The following SHE variants were observed in gnomAD, a reference collection of about 807,000 sequenced individuals.
SHE encodes the protein SH2 domain-containing adapter protein E.
SHE carries 11 observed loss-of-function variants against 49.8 expected under a neutral mutation model. The observed-to-expected ratio is 0.22, with a 90% CI of 0.14 to 0.37. SHE has a LOEUF of 0.37. SHE is among the 10% of genes least tolerant of loss of function. The pLI is 1.00. For synonymous variants in SHE, 310 were observed against 278.1 expected, an observed-to-expected ratio of 1.11 and a Z score of -1.14; for missense variants, 624 against 655.5, an observed-to-expected ratio of 0.95 and a Z score of 0.52.
At position 154,480,443 on chromosome 1, in the gene SHE, A is replaced by G. The variant is rs1691988856; in HGVS notation, c.*3706T>C. ...TTCTTCTGAATATCAAGATGCATCC[A>G]GTAACAACAGCCAATAACAGACTAG... On this transcript the variant is annotated 3_prime_UTR_variant, in exon 6 of 6. Transcript: ENST00000304760. The G allele has an allele frequency of 1.0e-6, 1 of 985,350 alleles. No individual in the cohort carries two copies. The highest frequency in any genetic ancestry group is 4.7e-5 in the South Asian group (1 of 21,294). 61.0% of individuals were successfully genotyped at this position (985,350 alleles called of 1,614,324 possible). A position where few individuals can be genotyped will look rare whatever the true frequency, so the allele number is the denominator to read the frequency against.
intron 3 of SHE, among the ~76,000 whole-genome samples, chr1:154,487,939 A>G (rs992859251): frequency 1.9e-4 from 29 of 149,136 alleles, no homozygotes; most frequent in Non-Finnish European, 1.9e-4. Flanking sequence ...CATTGGTTAT[A>G]CTTTTTTTTT....
chr1:154,492,829 C>G (rs538378072), intron 2 of SHE, among the ~76,000 whole-genome samples: 1 of 152,236 alleles, frequency 6.6e-6, no homozygotes, highest in East Asian at 1.9e-4. Flanking sequence ...CTGGGGAAAC[C>G]CTTTCCCAAG....
At chr1:154,477,920 A>G (rs58724362), downstream of SHE, among the ~76,000 whole-genome samples, 3 of 151,594 alleles carry the variant, frequency 2.0e-5, no homozygotes, top group Admixed American at 6.6e-5. Flanking sequence ...GAAAGAAAAG[A>G]AAAGAAAACT....
intron 2 of SHE, among the ~76,000 whole-genome samples, chr1:154,495,570 G>A (rs1012310065): frequency 2.0e-5 from 3 of 152,098 alleles, no homozygotes; most frequent in African/African-American, 7.2e-5. Flanking sequence ...TGAGGTAGAT[G>A]CTGGCTCCTA....
At position 154,502,165 on chromosome 1, in the gene SHE, G is replaced by C; in HGVS notation, c.-139C>G. On this transcript the variant is annotated 5_prime_UTR_variant, in exon 1 of 6. Transcript: ENST00000304760. Reference sequence around the variant, plus strand: ...GCCGAGCGGGCGGGCGCTAGCCTCTGCTCCGGACACGGCAGGCGACAGGCA... The same window carrying C: ...GCCGAGCGGGCGGGCGCTAGCCTCTCCTCCGGACACGGCAGGCGACAGGCA... 1 of 617,838 alleles carries C rather than the reference G, an allele frequency of 1.6e-6. No homozygotes were observed. Among genetic ancestry groups the C allele is most frequent in the Non-Finnish European group, 2.2e-6 (1 of 450,842 alleles). 38.3% of individuals were successfully genotyped at this position (617,838 alleles called of 1,614,324 possible). A position where few individuals can be genotyped will look rare whatever the true frequency, so the allele number is the denominator to read the frequency against.
Position 154,486,520 on chromosome 1 carries a change from G to A in SHE, c.1181+7C>T, listed in dbSNP as rs766023767. 3.7e-6 allele frequency: 6 copies of A among 1,613,840 alleles called. No homozygotes were observed. Among genetic ancestry groups the A allele is most frequent in the East Asian group, 2.2e-5 (1 of 44,880 alleles). The stretch of plus-strand genomic sequence containing the variant: ...GTCTGTTACAAGGATCTGAGGAGGA[G>A]ACTCACGGCTGCTTCTCCAGGGGCA... On this transcript the variant is annotated splice_region_variant and intron_variant, in intron 4 of 5. Coordinates refer to ENST00000304760, the MANE Select transcript of SHE (RefSeq NM_001010846.3).
chr1:154,486,961 A>T (rs1261212243), intron 3 of SHE, among the ~76,000 whole-genome samples: 1 of 152,190 alleles, frequency 6.6e-6, no homozygotes, highest in African/African-American at 2.4e-5. Context: ...ATGTATTTCA[A>T]CATGGACTTT....
At chr1:154,494,923 G>A (rs1326789975) in intron 2 of SHE, among the ~76,000 whole-genome samples, 1 of 152,156 alleles carries the variant, frequency 6.6e-6, no homozygotes, top group East Asian at 1.9e-4. Flanking sequence ...GTGGTGGCAG[G>A]TGCCTGTAAT....
chr1:154,477,344 A>C (rs781088065), downstream of SHE, among the ~76,000 whole-genome samples: 2 of 152,182 alleles, frequency 1.3e-5, no homozygotes, highest in Non-Finnish European at 2.9e-5. Context: ...AAATGCATTA[A>C]CATAAAATTT....
In SHE at chr1:154,501,383, G is replaced by A. The variant is rs185291842; in HGVS notation, c.591+53C>T. 174 of 1,563,924 alleles carry A rather than the reference G, an allele frequency of 1.1e-4. No individual in the cohort carries two copies. The East Asian group carries it at 3.6e-3, about 32-fold the overall frequency. On this transcript the variant is annotated intron_variant, in intron 1 of 5. Coordinates refer to ENST00000304760, the MANE Select transcript of SHE (RefSeq NM_001010846.3). The stretch of plus-strand genomic sequence containing the variant: ...TAAAGAAGCCTAGGGCTTAGCAGGC[G>A]CCCAGGGCTCCCCTTCGACTGAGAG...
intron 3 of SHE, among the ~76,000 whole-genome samples, 164 bp downstream of exon 3, chr1:154,488,887 G>GTGGTCATTCTTTCAA (rs1692269072): frequency 1.3e-5 from 2 of 152,200 alleles, no homozygotes; most frequent in Admixed American, 1.3e-4. Context: ...GCCCAGCCAG[G>GTGGTCATTCTTTCAA]TGGTCATTCT....
At position 154,474,271 on chromosome 1, in the gene SHE, G is replaced by T. The variant is rs563371204; in HGVS notation, c.103-3909C>A. Among the ~76,000 whole-genome samples the T allele has an allele frequency of 7.2e-5, 11 of 152,336 alleles. No homozygotes were observed. The South Asian group carries it at 2.3e-3, about 32-fold the overall frequency. On this transcript the variant is annotated intron_variant, in intron 1 of 1. Transcript: ENST00000486773. ...AGCGCACATACAAAGGCATGGCTTG[G>T]GGGCTCCCATAGGTGATCCTAAGGC...
chr1:154,478,439 A>AAAAC, downstream of SHE, among the ~76,000 whole-genome samples: 1 of 151,992 alleles, frequency 6.6e-6, no homozygotes, highest in Middle Eastern at 3.4e-3. Context: ...AAAAAAAAAA[A>AAAAC]AAAAAAAAAC....
chr1:154,482,279 G>C lies in SHE; in HGVS notation c.*1870C>G. ...TCTGCCTGCCTCAGCCTCCCAAATTGTTGGGATTACGTGCATGAGCCACCG... is the reference window on the plus strand; with the variant it reads ...TCTGCCTGCCTCAGCCTCCCAAATTCTTGGGATTACGTGCATGAGCCACCG... On this transcript the variant is annotated 3_prime_UTR_variant, in exon 6 of 6. Transcript: ENST00000304760. 1.0e-6 allele frequency: 1 copy of C among 972,216 alleles called. No individual in the cohort carries two copies. Among genetic ancestry groups the C allele is most frequent in the African/African-American group, 1.8e-5 (1 of 57,026 alleles). The allele number at this position is 972,216 out of a possible 1,614,324, so 60.2% of individuals were successfully genotyped here.
At position 154,489,293 on chromosome 1, in the gene SHE, C is replaced by T. The variant is rs371092428; in HGVS notation, c.782G>A (p.Cys261Tyr). ...TTTCAGGCCACCGTCTGCGGGTTCA[C>T]AGGGACTGTCAAGCAGCTGGAGAGC... ...VKALQLLDSP[C>Y]EPADGGLKSE... Residue 261 changes from cysteine (C) to tyrosine (Y), a missense_variant, in exon 3 of 6, where the codon TGT becomes TAT. Transcript: ENST00000304760. The T allele has an allele frequency of 2.5e-6, 4 of 1,614,098 alleles. No homozygotes were observed. The highest frequency in any genetic ancestry group is 2.7e-5 in the African/African-American group (2 of 74,932).
Position 154,473,092 on chromosome 1 carries a change from G to A in SHE, c.103-2730C>T, listed in dbSNP as rs542150591. 6.6e-5 allele frequency among the ~76,000 whole-genome samples: 10 copies of A among 151,966 alleles called. No individual in the cohort carries two copies. In the East Asian group the frequency reaches 2.0e-3, roughly 30 times the overall value. On this transcript the variant is annotated intron_variant, in intron 1 of 1. Transcript: ENST00000486773. The stretch of plus-strand genomic sequence containing the variant: ...CGGCTCACCACAACCTCTGCCTCCC[G>A]GGTTCAAGCGATTCTCCTGCCTCAG...
intron 1 of SHE, among the ~76,000 whole-genome samples, chr1:154,472,286 G>T (rs1691765384): frequency 1.3e-5 from 2 of 152,216 alleles, no homozygotes. Flanking sequence ...AGCAGAGGAA[G>T]CCAGCACCTG....
rs1261064026 is a variant in SHE at position 154,486,078 on chromosome 1, G to A, written c.1182-16C>T. On this transcript the variant is annotated splice_polypyrimidine_tract_variant and intron_variant, in intron 4 of 5. Transcript: ENST00000304760. ...ATGATACCAGCTGAAAAATGGGGGT[G>A]GAAGAGGGGAAAGCACCATGAGTGT... The A allele has an allele frequency of 6.2e-7, 1 of 1,608,070 alleles. No individual in the cohort carries two copies. The highest frequency in any genetic ancestry group is 8.5e-7 in the Non-Finnish European group (1 of 1,175,138).
chr1:154,493,080 A>T (rs1692417384), intron 2 of SHE, among the ~76,000 whole-genome samples: 1 of 152,214 alleles, frequency 6.6e-6, no homozygotes. Flanking sequence ...TTACTTTTGC[A>T]ACGAGGTCCT....
Sources: gnomAD v4.1 joint callset for allele counts (sites outside exome capture counted in the v4.1 genomes callset) on GRCh38, gnomAD v4.1.1 for gene constraint, MANE v1.5 for transcripts, NCBI Gene and HGNC (gene_info 2026-07-23, HGNC 2026-07-21) for gene names.